GALNT8: variants seen among roughly 807,000 people sequenced by gnomAD.
GALNT8 encodes polypeptide N-acetylgalactosaminyltransferase 8.
A neutral mutation model predicts 62.7 loss-of-function variants in GALNT8; 66 were observed. That is an observed-to-expected ratio of 1.05 (90% CI 0.86 to 1.29). GALNT8 has a LOEUF of 1.29. GALNT8 is among the 50% of genes most tolerant of loss of function. The pLI is 0.00. For missense variants in GALNT8, 771 were observed against 791.8 expected, an observed-to-expected ratio of 0.97 and a Z score of 0.32; for synonymous variants, 288 against 294.3, an observed-to-expected ratio of 0.98 and a Z score of 0.22.
chr12:4,727,806 T>C (rs972564072), intron 2 of GALNT8, among the ~76,000 whole-genome samples: 1 of 152,232 alleles, frequency 6.6e-6, no homozygotes, highest in East Asian at 1.9e-4. Context: ...TTGACCATTA[T>C]GAATAATACT....
chr12:4,744,567 T>C lies in GALNT8; in HGVS notation c.727T>C (p.Tyr243His). 6.2e-7 allele frequency: 1 copy of C among 1,612,594 alleles called. No individual in the cohort carries two copies. Among genetic ancestry groups the C allele is most frequent in the African/African-American group, 1.3e-5 (1 of 74,972 alleles). The change falls in exon 4 of 11, where the codon TAT (tyrosine) becomes CAT (histidine). Residue 243 changes from tyrosine to histidine, a missense_variant. By Grantham distance (83) the Tyr-to-His change is moderately conservative (BLOSUM62 2). Coordinates refer to ENST00000252318, the MANE Select transcript of GALNT8 (RefSeq NM_017417.2). ...DEKIKLYNQK[Y>H]PGLLKIIRHP... ...GAAGATTAAGCTTTACAACCAGAAG[T>C]ATCCAGGACTACTGAAAATAATACG...
chr12:4,726,123 A>G lies in GALNT8; in HGVS notation c.212-409A>G, dbSNP rs959817584. The stretch of plus-strand genomic sequence containing the variant: ...GTCTGTATTTCCACCCAACTCTCAG[A>G]TCCTGATTTAGTGGATTTGGAGATT... On this transcript the variant is annotated intron_variant, in intron 1 of 10. Transcript: ENST00000252318. This position sits in a 1 kb window ranked among gnomAD's most constrained non-coding sequence, Gnocchi z 4.1. 5.9e-5 allele frequency among the ~76,000 whole-genome samples: 9 copies of G among 152,248 alleles called. No homozygotes were observed. Among genetic ancestry groups the G allele is most frequent in the Non-Finnish European group, 1.3e-4 (9 of 68,018 alleles).
At chr12:4,732,559 A>G (rs1591565331) in intron 2 of GALNT8, among the ~76,000 whole-genome samples, 1 of 80,734 alleles carries the variant, frequency 1.2e-5, no homozygotes, top group East Asian at 3.2e-4. Context: ...CCAACCAACA[A>G]ACACTTTTTC....
At chr12:4,769,911 A>C (rs1019536137) in intron 10 of GALNT8, among the ~76,000 whole-genome samples, 42 of 152,210 alleles carry the variant, frequency 2.8e-4, no homozygotes, top group African/African-American at 9.9e-4. Context: ...ATGTTTTCCA[A>C]GTTAAAAAAG....
intron 2 of GALNT8, among the ~76,000 whole-genome samples, chr12:4,728,547 A>G (rs987779082): frequency 6.6e-6 from 1 of 152,104 alleles, no homozygotes; most frequent in African/African-American, 2.4e-5. Flanking sequence ...ATAATGTGAC[A>G]AGGAGGGTCC....
chr12:4,728,908 G>T (rs368747399), intron 2 of GALNT8, among the ~76,000 whole-genome samples: 28 of 152,250 alleles, frequency 1.8e-4, no homozygotes, highest in African/African-American at 2.6e-4. Context: ...GCAGGATTTT[G>T]ACAGGGATTT....
chr12:4,754,464 A>G (rs962727513), intron 6 of GALNT8, among the ~76,000 whole-genome samples: 1 of 152,202 alleles, frequency 6.6e-6, no homozygotes, highest in Non-Finnish European at 1.5e-5. Flanking sequence ...TTCCAAAGTT[A>G]GAGGCCAGTG....
At chr12:4,723,966 C>T (rs1316349688) in intron 1 of GALNT8, among the ~76,000 whole-genome samples, 3 of 151,470 alleles carry the variant, frequency 2.0e-5, no homozygotes, top group African/African-American at 4.9e-5. Context: ...CTGGCTAACA[C>T]GGTGAAACCC....
chr12:4,753,341 G>A (rs188216780), intron 6 of GALNT8, among the ~76,000 whole-genome samples: 13 of 152,106 alleles, frequency 8.5e-5, no homozygotes, highest in East Asian at 1.9e-4. Context: ...TGCTGTAGGC[G>A]TGCTTCATTG....
At position 4,746,220 on chromosome 12, in the gene GALNT8, C is replaced by G; in HGVS notation, c.1135C>G (p.Leu379Val). ...GATCGGGTCTCTGGATGGTGGAATG[C>G]TCATCTATGGAGGAGAGAACGTGGA... ...GEIGSLDGGM[L>V]IYGGENVELS... Residue 379 changes from leucine to valine, a missense_variant, in exon 6 of 11, where the codon CTC becomes GTC. Leu to Val is a conservative substitution (Grantham distance 32). Coordinates refer to ENST00000252318, the MANE Select transcript of GALNT8 (RefSeq NM_017417.2). The G allele has an allele frequency of 6.2e-7, 1 of 1,611,670 alleles. No homozygotes were observed. Among genetic ancestry groups the G allele is most frequent in the South Asian group, 1.1e-5 (1 of 91,026 alleles).
chr12:4,722,490 G>A (rs866691134), intron 1 of GALNT8, among the ~76,000 whole-genome samples: 2 of 152,190 alleles, frequency 1.3e-5, no homozygotes, highest in Non-Finnish European at 2.9e-5. Flanking sequence ...ACTGCTCTGT[G>A]CCAAATTTTA....
chr12:4,772,598 T>C lies in GALNT8; in HGVS notation c.*1T>C. The C allele has an allele frequency of 6.2e-7, 1 of 1,611,492 alleles. No homozygotes were observed. Among genetic ancestry groups the C allele is most frequent in the South Asian group, 1.1e-5 (1 of 91,020 alleles). On this transcript the variant is annotated 3_prime_UTR_variant, in exon 11 of 11. Transcript: ENST00000252318. The stretch of plus-strand genomic sequence containing the variant: ...CTGGGGTCAGACCAACAGCCAGTGA[T>C]CCTCAGATGGTGCTGGATCTGGGTC...
At chr12:4,761,637 A>G (rs910058894) in intron 7 of GALNT8, among the ~76,000 whole-genome samples, 5 of 151,658 alleles carry the variant, frequency 3.3e-5, no homozygotes, top group Non-Finnish European at 5.9e-5. Flanking sequence ...TGGTACAGAT[A>G]GGGTCTTGCT....
At chr12:4,750,958 C>T (rs976670369) in intron 6 of GALNT8, among the ~76,000 whole-genome samples, 6 of 151,996 alleles carry the variant, frequency 3.9e-5, no homozygotes, top group African/African-American at 1.4e-4. Context: ...GAATAGAGAA[C>T]CCAGAAAAAA....
chr12:4,758,625 TGTGTGTGTGTGTGAGAGA>T (rs1408677209), intron 6 of GALNT8, among the ~76,000 whole-genome samples: 5 of 92,600 alleles, frequency 5.4e-5, no homozygotes, highest in Non-Finnish European at 7.3e-5. Flanking sequence ...TGTGTGTGTG[TGTGTGTGTGTGTGAGAGA>T]GAGAGAGAGA....
chr12:4,758,629 TGTGTGTGTGAGAGA>T (rs750873707), intron 6 of GALNT8, among the ~76,000 whole-genome samples: 11,836 of 102,524 alleles, frequency 0.12, 489 homozygotes, highest in Middle Eastern at 0.18. Flanking sequence ...TGTGTGTGTG[TGTGTGTGTGAGAGA>T]GAGAGAGAGA....
chr12:4,721,539 G>C (rs1278136779), intron 1 of GALNT8, among the ~76,000 whole-genome samples: 2 of 152,150 alleles, frequency 1.3e-5, no homozygotes, highest in Non-Finnish European at 2.9e-5. Context: ...TAAGTGCTGT[G>C]CTTTAGATAT....
rs556640645 is a variant in GALNT8 at position 4,721,659 on chromosome 12, G to A, written c.211+771G>A. The stretch of plus-strand genomic sequence containing the variant: ...ATCTCAGTAGATGGAATATACAATC[G>A]GGTTTTACACCGAGACATTCCATTG... On this transcript the variant is annotated intron_variant, in intron 1 of 10. Transcript: ENST00000252318. 1.6e-4 allele frequency among the ~76,000 whole-genome samples: 24 copies of A among 152,104 alleles called. 1 individual carries two copies. Among genetic ancestry groups the A allele is most frequent in the African/African-American group, 5.3e-4 (22 of 41,482 alleles).
intron 3 of GALNT8, among the ~76,000 whole-genome samples, chr12:4,739,840 T>C (rs1251670212): frequency 6.6e-6 from 1 of 151,934 alleles, no homozygotes; most frequent in East Asian, 1.9e-4. Flanking sequence ...TATTTTTTTG[T>C]ATTTTTTTAG....
Sources: allele counts gnomAD v4.1 joint callset (sites outside exome capture counted in the v4.1 genomes callset), GRCh38; gene constraint gnomAD v4.1.1; non-coding constraint Gnocchi (gnomAD v3.1); transcripts MANE v1.5; gene names NCBI Gene and HGNC (gene_info 2026-07-23, HGNC 2026-07-21).